The following GRK1 variants were observed in gnomAD, a reference collection of about 807,000 sequenced individuals.
GRK1 encodes the protein G protein-coupled receptor kinase 1, also known as rhodopsin kinase GRK1.
In GRK1, 28 loss-of-function variants were observed where a neutral mutation model predicts 41.7. The ratio of observed to expected loss-of-function variants is 0.67; its 90% CI spans 0.50 to 0.92. The LOEUF is 0.92. Among genes scored for constraint, GRK1 ranks in the 40% least tolerant of loss-of-function variants. The pLI is 0.00. For synonymous variants in GRK1, 327 were observed against 286.7 expected, an observed-to-expected ratio of 1.14 and a Z score of -1.42; for missense variants, 703 against 671.2, an observed-to-expected ratio of 1.05 and a Z score of -0.52.
chr13:113,669,515 A>G (rs1352908027), intron 1 of GRK1, 172 bp from the exon 2 acceptor site: 1 of 221,404 alleles, frequency 4.5e-6, no homozygotes, highest in Non-Finnish European at 7.6e-6. Flanking sequence ...ATGGGGGTGC[A>G]GGCATGTTTT....
chr13:113,655,650 G>A, the GRK1 span, among the ~76,000 whole-genome samples: 1 of 152,128 alleles, frequency 6.6e-6, no homozygotes, highest in African/African-American at 2.4e-5. Flanking sequence ...AAATTAGCTT[G>A]TGTGGATCGC....
intron 5 of GRK1, among the ~76,000 whole-genome samples, chr13:113,732,538 C>T (rs371052842): frequency 9.8e-5 from 15 of 152,356 alleles, no homozygotes; most frequent in African/African-American, 3.1e-4. Context: ...CCGAGGCTTC[C>T]GTCCACCGTG....
the GRK1 span, chr13:113,649,643 C>G: frequency 7.7e-7 from 1 of 1,306,982 alleles, no homozygotes; most frequent in South Asian, 1.6e-5. This position sits in a 1 kb window ranked among gnomAD's most constrained non-coding sequence, Gnocchi z 4.7. Flanking sequence ...AGAAGCAGCT[C>G]TTTTGTGTAA....
chr13:113,654,577 C>T, the GRK1 span, among the ~76,000 whole-genome samples: 1 of 152,268 alleles, frequency 6.6e-6, no homozygotes, highest in Admixed American at 6.5e-5. Flanking sequence ...TCATTTTCCT[C>T]ATGGAAAGAA....
intron 4 of GRK1, among the ~76,000 whole-genome samples, chr13:113,723,432 G>C (rs1055842025): frequency 2.0e-5 from 3 of 152,068 alleles, no homozygotes; most frequent in Admixed American, 6.5e-5. Context: ...ACAGGTGGTC[G>C]CCGCACAGTT....
intron 1 of GRK1, 148 bp downstream of exon 1, chr13:113,668,233 G>T: frequency 1.2e-6 from 1 of 806,956 alleles, no homozygotes; most frequent in Non-Finnish European, 1.9e-6. Context: ...TCGCCACGTG[G>T]GCGCCCCGCG....
chr13:113,733,420 T>G (rs917793963), intron 6 of GRK1, among the ~76,000 whole-genome samples: 21 of 152,076 alleles, frequency 1.4e-4, no homozygotes, highest in African/African-American at 5.1e-4. Context: ...TCAGGCCGTC[T>G]GCCGGGGAGA....
At chr13:113,651,194 T>TA in the GRK1 span, among the ~76,000 whole-genome samples, 2 of 152,218 alleles carry the variant, frequency 1.3e-5, no homozygotes, top group South Asian at 4.1e-4. Flanking sequence ...ACATTTAATT[T>TA]AAAAAATTCA....
chr13:113,731,042 T>C lies in GRK1; in HGVS notation c.1070-177T>C, dbSNP rs755056376. ...CCACAGGCAGAGTCTGGGGTGCTGC[T>C]TGGCACCCAGTAACACACAGGGCAG... On this transcript the variant is annotated intron_variant, in intron 4 of 6. Coordinates refer to ENST00000335678, the MANE Select transcript of GRK1 (RefSeq NM_002929.3). This position sits in a 1 kb window ranked among gnomAD's most constrained non-coding sequence, Gnocchi z 5.6. 163 of 455,698 alleles carry C rather than the reference T, an allele frequency of 3.6e-4. 2 individuals are homozygous for C. The highest frequency in any genetic ancestry group is 2.0e-3 in the Middle Eastern group (2 of 978). The allele number at this position is 455,698 out of a possible 1,614,324, so 28.2% of individuals were successfully genotyped here. A position where few individuals can be genotyped will look rare whatever the true frequency, so the allele number is the denominator to read the frequency against.
chr13:113,671,718 T>A lies in GRK1; in HGVS notation c.985+62T>A, dbSNP rs1329865517. 1 of 698,420 alleles carries A rather than the reference T, an allele frequency of 1.4e-6. No individual in the cohort carries two copies. The highest frequency in any genetic ancestry group is 2.7e-5 in the East Asian group (1 of 37,060). 43.3% of individuals were successfully genotyped at this position (698,420 alleles called of 1,614,324 possible). A position where few individuals can be genotyped will look rare whatever the true frequency, so the allele number is the denominator to read the frequency against. ...CGAGGAGGGCGGGGCGCAGCTTCCT[T>A]GGGGGTCTCTGCACAACCTCACGAG... On this transcript the variant is annotated intron_variant, in intron 3 of 6. Transcript: ENST00000335678. The surrounding 1 kb of genome is among the most constrained non-coding windows in gnomAD (Gnocchi z 4.1).
At chr13:113,654,947 G>A in the GRK1 span, 402 of 1,613,484 alleles carry the variant, frequency 2.5e-4, 1 homozygote, top group African/African-American at 4.1e-3. Context: ...TCCACACTGC[G>A]ACACAAGGCA....
rs2049994165 is a variant in GRK1, at chr13:113,735,203, C to T, written c.1532C>T (p.Thr511Ile). 3 of 1,537,090 alleles carry T rather than the reference C, an allele frequency of 2.0e-6. No individual in the cohort carries two copies. The highest frequency in any genetic ancestry group is 1.4e-5 in the African/African-American group (1 of 73,054). The change falls in exon 7 of 7, where the codon ACT becomes ATT. Residue 511 changes from threonine (T) to isoleucine (I), a missense_variant. Thr to Ile is a moderately conservative substitution (Grantham distance 89). Transcript: ENST00000335678. ...TDTEFFQEFA[T>I]GNCPIPWQEE... ...ACAGAATTCTTTCAGGAATTTGCCA[C>T]TGGCAACTGCCCCATCCCCTGGCAG... is the stretch of plus-strand genomic sequence containing the variant.
chr13:113,667,134 T>C, upstream of GRK1: 1 of 460,368 alleles, frequency 2.2e-6, no homozygotes, highest in Non-Finnish European at 3.8e-6. This position sits in a 1 kb window ranked among gnomAD's most constrained non-coding sequence, Gnocchi z 7.5. Flanking sequence ...TTCTAGCACC[T>C]TCTTGCCACT....
At chr13:113,649,384 A>G in the GRK1 span, 36 of 1,594,350 alleles carry the variant, frequency 2.3e-5, no homozygotes, top group Non-Finnish European at 2.7e-5. This position sits in a 1 kb window ranked among gnomAD's most constrained non-coding sequence, Gnocchi z 4.7. Context: ...TCACTTCTCA[A>G]TCTTGAGTTT....
intron 6 of GRK1, among the ~76,000 whole-genome samples, chr13:113,733,623 A>C (rs2049957769): frequency 7.0e-6 from 1 of 142,772 alleles, no homozygotes; most frequent in Admixed American, 6.9e-5. Flanking sequence ...ATGTGTGTGC[A>C]TACGTGTGTG....
the GRK1 span, among the ~76,000 whole-genome samples, chr13:113,652,132 C>G: frequency 8.5e-5 from 13 of 152,224 alleles, no homozygotes; most frequent in Non-Finnish European, 1.9e-4. Context: ...GGCCTTCAGC[C>G]CCCTTCCCCA....
intron 6 of GRK1, among the ~76,000 whole-genome samples, chr13:113,734,306 T>C (rs921737526): frequency 3.3e-5 from 5 of 152,122 alleles, no homozygotes; most frequent in Non-Finnish European, 7.4e-5. Flanking sequence ...AGGATGGCTG[T>C]GGTCAGGGAA....
At chr13:113,732,122 C>T (rs1442444928) in intron 5 of GRK1, among the ~76,000 whole-genome samples, 5 of 152,212 alleles carry the variant, frequency 3.3e-5, no homozygotes, top group Non-Finnish European at 5.9e-5. Context: ...CTGGGGCTGC[C>T]TCTCGTTGGA....
the GRK1 span, chr13:113,652,798 C>T: frequency 6.5e-7 from 1 of 1,529,022 alleles, no homozygotes; most frequent in Non-Finnish European, 9.0e-7. Flanking sequence ...CACCTGTGCT[C>T]CTCGTGGTGG....
Sources: gnomAD v4.1 joint callset for allele counts (sites outside exome capture counted in the v4.1 genomes callset) on GRCh38, gnomAD v4.1.1 for gene constraint, Gnocchi (gnomAD v3.1) non-coding constraint, MANE v1.5 for transcripts, NCBI Gene and HGNC (gene_info 2026-07-23, HGNC 2026-07-21) for gene names.